TTC1: variants seen among roughly 807,000 people sequenced by gnomAD.
TTC1 encodes tetratricopeptide repeat protein 1.
In TTC1, 31 loss-of-function variants were observed where a neutral mutation model predicts 37.6. The observed-to-expected ratio is 0.82, with a 90% CI of 0.62 to 1.11. The LOEUF (loss-of-function observed/expected upper bound fraction) is 1.11. Among genes scored for constraint, TTC1 ranks in the 50% most tolerant of loss-of-function variants. The probability of loss-of-function intolerance (pLI) is 0.00; values close to 1 mark genes in which losing one functional copy is unlikely to be tolerated. For synonymous variants in TTC1, 127 were observed against 122.4 expected, an observed-to-expected ratio of 1.04 and a Z score of -0.25; for missense variants, 351 against 339.0, an observed-to-expected ratio of 1.04 and a Z score of -0.28.
chr5:160,010,459 C>A (rs961265), intron 1 of TTC1, 41 bp from the exon 2 acceptor site: 5 of 1,348,398 alleles, frequency 3.7e-6, no homozygotes, highest in Non-Finnish European at 5.1e-6. Context: ...TTTAAAAATA[C>A]AAGCACCATT....
intron 3 of TTC1, among the ~76,000 whole-genome samples, chr5:160,035,813 A>C (rs977631037): frequency 6.6e-6 from 1 of 152,154 alleles, no homozygotes; most frequent in Admixed American, 6.5e-5. Flanking sequence ...TTAGAGCAAA[A>C]GTCTTCTGTC....
At chr5:160,032,427 C>A (rs75396936) in intron 2 of TTC1, among the ~76,000 whole-genome samples, 24 of 152,286 alleles carry the variant, frequency 1.6e-4, no homozygotes, top group African/African-American at 5.3e-4. Flanking sequence ...ACATCCAACA[C>A]CCCTTCCTAT....
chr5:160,060,127 G>C (rs1216204101), intron 7 of TTC1, among the ~76,000 whole-genome samples: 1 of 152,206 alleles, frequency 6.6e-6, no homozygotes, highest in Non-Finnish European at 1.5e-5. Flanking sequence ...AGGAAATGTG[G>C]TATTAGGATT....
intron 2 of TTC1, among the ~76,000 whole-genome samples, chr5:160,011,445 A>G (rs560312855): frequency 3.7e-4 from 57 of 152,358 alleles, no homozygotes; most frequent in Non-Finnish European, 7.5e-4. Context: ...CAACATGCCT[A>G]TGAGATACAT....
intron 7 of TTC1, among the ~76,000 whole-genome samples, chr5:160,062,448 C>T (rs3733868): frequency 0.056 from 8,483 of 152,316 alleles, 316 homozygotes; most frequent in East Asian, 0.15. Flanking sequence ...GGTCAGAAAG[C>T]ACCTCTGGGC....
Position 160,014,002 on chromosome 5 carries a change from A to G in TTC1, c.330+3144A>G, listed in dbSNP as rs550844660. On this transcript the variant is annotated intron_variant, in intron 2 of 7. Coordinates refer to ENST00000231238, the MANE Select transcript of TTC1 (RefSeq NM_003314.3). ...CAGTATGGTAGCTGCTGACTACATC[A>G]GGCTATTGAGCACTTGAAATGTGGC... Among the ~76,000 whole-genome samples the G allele has an allele frequency of 3.9e-5, 6 of 152,164 alleles. No homozygotes were observed. In the South Asian group the frequency reaches 6.2e-4, roughly 16 times the overall value.
At chr5:160,038,403 T>C (rs1368185096) in intron 4 of TTC1, among the ~76,000 whole-genome samples, 2 of 152,202 alleles carry the variant, frequency 1.3e-5, no homozygotes, top group African/African-American at 2.4e-5. Context: ...GTGCCTTCAG[T>C]ATCAGAGGAA....
chr5:160,041,100 A>G (rs920345483), intron 4 of TTC1, among the ~76,000 whole-genome samples: 3 of 152,070 alleles, frequency 2.0e-5, no homozygotes, highest in Non-Finnish European at 4.4e-5. Flanking sequence ...CGACACATAC[A>G]TGAAACTGTC....
At chr5:160,060,609 C>T (rs1753340422) in intron 7 of TTC1, among the ~76,000 whole-genome samples, 1 of 152,168 alleles carries the variant, frequency 6.6e-6, no homozygotes, top group African/African-American at 2.4e-5. Flanking sequence ...GAAAGTGTGG[C>T]AGATAGGCTA....
intron 7 of TTC1, among the ~76,000 whole-genome samples, chr5:160,064,151 T>C (rs1456974846): frequency 6.6e-6 from 1 of 152,046 alleles, no homozygotes; most frequent in Non-Finnish European, 1.5e-5. Context: ...GTATTTTTTG[T>C]AGAGATAGGG....
At chr5:160,045,137 T>C (rs917462171) in intron 5 of TTC1, among the ~76,000 whole-genome samples, 2 of 152,148 alleles carry the variant, frequency 1.3e-5, no homozygotes, top group African/African-American at 4.8e-5. Flanking sequence ...AGCTTCTTTC[T>C]CTGTAACCAA....
rs1753582179 is a variant in TTC1 at position 160,065,517 on chromosome 5, T to A, written c.*452T>A. The stretch of plus-strand genomic sequence containing the variant: ...GCCTCCAGCATTTCCTGATTTCCTC[T>A]GTGGTAATAAAAGCTTTCTGTGCTT... On this transcript the variant is annotated 3_prime_UTR_variant, in exon 8 of 8. Transcript: ENST00000231238. 4.9e-6 allele frequency: 2 copies of A among 410,676 alleles called. No individual in the cohort carries two copies. The highest frequency in any genetic ancestry group is 1.4e-4 in the East Asian group (2 of 14,026). 25.4% of individuals were successfully genotyped at this position (410,676 alleles called of 1,614,324 possible).
chr5:160,039,970 G>C (rs186277147), intron 4 of TTC1, among the ~76,000 whole-genome samples: 10 of 152,180 alleles, frequency 6.6e-5, no homozygotes, highest in Non-Finnish European at 1.3e-4. Context: ...ACTTAACAAC[G>C]GGTATACATT....
intron 2 of TTC1, among the ~76,000 whole-genome samples, chr5:160,033,796 G>C (rs1292689147): frequency 6.6e-6 from 1 of 152,228 alleles, no homozygotes; most frequent in East Asian, 1.9e-4. Flanking sequence ...TAGGAACACA[G>C]ATCATATCAG....
At chr5:160,017,025 C>T (rs1184783528) in intron 2 of TTC1, among the ~76,000 whole-genome samples, 1 of 152,174 alleles carries the variant, frequency 6.6e-6, no homozygotes, top group Non-Finnish European at 1.5e-5. Flanking sequence ...TTTATTTCAG[C>T]AGTAAATCTT....
chr5:160,020,089 C>T (rs1245050786), intron 2 of TTC1, among the ~76,000 whole-genome samples: 1 of 151,778 alleles, frequency 6.6e-6, no homozygotes, highest in African/African-American at 2.4e-5. Flanking sequence ...CCACCACACC[C>T]AGCTAATTTT....
intron 5 of TTC1, among the ~76,000 whole-genome samples, chr5:160,043,926 G>A (rs1757148146): frequency 6.6e-6 from 1 of 151,976 alleles, no homozygotes; most frequent in Non-Finnish European, 1.5e-5. Context: ...AACTTTTATA[G>A]GGACACCTCA....
At chr5:160,064,463 T>C (rs1272209436) in intron 7 of TTC1, among the ~76,000 whole-genome samples, 1 of 152,204 alleles carries the variant, frequency 6.6e-6, no homozygotes, top group Non-Finnish European at 1.5e-5. Context: ...TCAGTGGAAA[T>C]GGGCTGAGTT....
intron 2 of TTC1, among the ~76,000 whole-genome samples, chr5:160,022,280 C>G (rs997957559): frequency 8.5e-5 from 13 of 152,176 alleles, no homozygotes; most frequent in Admixed American, 3.9e-4. Context: ...TACTCAGCCA[C>G]TGCATTGTAG....
Sources: gnomAD v4.1 joint callset for allele counts (sites outside exome capture counted in the v4.1 genomes callset) on GRCh38, gnomAD v4.1.1 for gene constraint, MANE v1.5 for transcripts, NCBI Gene and HGNC (gene_info 2026-07-23, HGNC 2026-07-21) for gene names.